ATAD1: variants seen among roughly 807,000 people sequenced by gnomAD.
ATAD1 encodes the protein outer mitochondrial transmembrane helix translocase.
ATAD1 carries 18 observed loss-of-function variants against 42.7 expected under a neutral mutation model. That is an observed-to-expected ratio of 0.42 (90% CI 0.29 to 0.63). The LOEUF (loss-of-function observed/expected upper bound fraction) is 0.63. ATAD1 is among the 20% of genes least tolerant of loss of function. The pLI is 0.19. For missense variants in ATAD1, 294 were observed against 440.4 expected, an observed-to-expected ratio of 0.67 and a Z score of 2.98; for synonymous variants, 132 against 143.1, an observed-to-expected ratio of 0.92 and a Z score of 0.55.
At chr10:87,777,740 G>A (rs1012843020) in intron 5 of ATAD1, among the ~76,000 whole-genome samples, 1 of 151,912 alleles carries the variant, frequency 6.6e-6, no homozygotes, top group South Asian at 2.1e-4. Flanking sequence ...AAACTTTGTC[G>A]ATCATACATG....
chr10:87,781,061 T>C (rs776190092), intron 5 of ATAD1, among the ~76,000 whole-genome samples: 3 of 152,176 alleles, frequency 2.0e-5, no homozygotes, highest in Admixed American at 6.6e-5. Context: ...ATCAGACCCC[T>C]GAAGTTCTAA....
intron 2 of ATAD1, among the ~76,000 whole-genome samples, chr10:87,796,685 G>A (rs1856404533): frequency 1.3e-5 from 2 of 152,194 alleles, no homozygotes; most frequent in Admixed American, 6.5e-5. Context: ...TCTCAGATAT[G>A]TGGGGTTCAC....
At chr10:87,776,839 A>AG (rs1168716990) in intron 5 of ATAD1, among the ~76,000 whole-genome samples, 4 of 152,168 alleles carry the variant, frequency 2.6e-5, no homozygotes, top group African/African-American at 9.6e-5. Context: ...GTTTTAGATG[A>AG]TGGGTATTCT....
intron 2 of ATAD1, among the ~76,000 whole-genome samples, chr10:87,794,817 A>G (rs942104676): frequency 6.6e-6 from 1 of 152,096 alleles, no homozygotes; most frequent in African/African-American, 2.4e-5. Flanking sequence ...CTTCCTAAAT[A>G]AAAAATGACA....
chr10:87,838,766 T>C (rs1385505682), intron 1 of ATAD1, among the ~76,000 whole-genome samples: 1 of 152,026 alleles, frequency 6.6e-6, no homozygotes, highest in African/African-American at 2.4e-5. Flanking sequence ...CTCTCCTTTT[T>C]GTGAGGACAT....
chr10:87,799,696 G>A (rs1856588333), intron 2 of ATAD1, among the ~76,000 whole-genome samples: 1 of 151,798 alleles, frequency 6.6e-6, no homozygotes, highest in Non-Finnish European at 1.5e-5. Flanking sequence ...AATGCAATGG[G>A]ATAATTGTAG....
At chr10:87,834,019 T>C (rs1459364403) in intron 1 of ATAD1, among the ~76,000 whole-genome samples, 1 of 152,192 alleles carries the variant, frequency 6.6e-6, no homozygotes, top group Non-Finnish European at 1.5e-5. Flanking sequence ...CCCAGCCTGT[T>C]AAATGCTTTT....
At chr10:87,797,371 C>T (rs1053345655) in intron 2 of ATAD1, among the ~76,000 whole-genome samples, 4 of 152,134 alleles carry the variant, frequency 2.6e-5, no homozygotes, top group Admixed American at 2.0e-4. Context: ...TCTGTGTTTG[C>T]TTACTGTCTT....
At chr10:87,828,588 A>G (rs1187959210) in intron 1 of ATAD1, among the ~76,000 whole-genome samples, 1 of 152,260 alleles carries the variant, frequency 6.6e-6, no homozygotes, top group African/African-American at 2.4e-5. Flanking sequence ...TAATTTACCC[A>G]GAAGATCTAG....
In ATAD1 at chr10:87,792,892, G is replaced by A. The variant is rs1359442341; in HGVS notation, c.163-137C>T. On this transcript the variant is annotated intron_variant, in intron 2 of 9. Coordinates refer to ENST00000680024, the MANE Select transcript of ATAD1 (RefSeq NM_001321967.2). ...TTTCCAAGGATATTCTAGGCCCCTT[G>A]ATCTTAGCCTTCTCCATTGTGAGCC... 3 of 654,620 alleles carry A rather than the reference G, an allele frequency of 4.6e-6. No individual in the cohort carries two copies. In the Admixed American group the frequency reaches 8.1e-5, roughly 18 times the overall value. The allele number at this position is 654,620 out of a possible 1,614,324, so 40.6% of individuals were successfully genotyped here.
intron 5 of ATAD1, among the ~76,000 whole-genome samples, chr10:87,780,330 G>C (rs753966337): frequency 1.1e-4 from 16 of 152,104 alleles, no homozygotes; most frequent in Non-Finnish European, 1.3e-4. Context: ...ACAAATATTT[G>C]ATACTATTGT....
At chr10:87,792,559 T>C (rs1856175804) in intron 3 of ATAD1, 98 bp downstream of exon 3, 1 of 823,624 alleles carries the variant, frequency 1.2e-6, no homozygotes, top group Non-Finnish European at 2.0e-6. Flanking sequence ...GCCTAGAGAA[T>C]CAAAGAACCC....
upstream of ATAD1, among the ~76,000 whole-genome samples, chr10:87,821,479 C>T (rs1414899571): frequency 1.3e-5 from 2 of 152,016 alleles, no homozygotes; most frequent in African/African-American, 2.4e-5. Context: ...TTGCAGTGAG[C>T]CAAGATCATG....
In ATAD1 at chr10:87,784,526, G is replaced by C; in HGVS notation, c.527C>G (p.Ala176Gly). The C allele has an allele frequency of 6.2e-7, 1 of 1,613,780 alleles. No homozygotes were observed. The highest frequency in any genetic ancestry group is 8.5e-7 in the Non-Finnish European group (1 of 1,179,850). ...TAGCTTTATGGCAAGGGAGAAGACA[G>C]CAGCAGCCAATTTCTGAGATTCTCC... ...WYGESQKLAA[A>G]VFSLAIKLQP... Residue 176 changes from alanine to glycine, a missense_variant, in exon 5 of 10, where the codon GCT becomes GGT. By Grantham distance (60) the Ala-to-Gly change is moderately conservative (BLOSUM62 0). Transcript: ENST00000680024.
At chr10:87,782,791 G>A (rs1855630278) in intron 5 of ATAD1, among the ~76,000 whole-genome samples, 1 of 152,068 alleles carries the variant, frequency 6.6e-6, no homozygotes, top group Admixed American at 6.6e-5. Context: ...GACCCCAGGA[G>A]TTGGGGACCA....
intron 7 of ATAD1, among the ~76,000 whole-genome samples, chr10:87,769,306 C>A (rs74700950): frequency 6.6e-6 from 1 of 152,252 alleles, no homozygotes; most frequent in African/African-American, 2.4e-5. Context: ...CTTGGTGCTG[C>A]GCTCACCAAA....
chr10:87,806,982 T>A (rs1371682007), intron 2 of ATAD1, among the ~76,000 whole-genome samples: 1 of 152,168 alleles, frequency 6.6e-6, no homozygotes, highest in Non-Finnish European at 1.5e-5. Flanking sequence ...TTTTGTCTGA[T>A]CGCTTCTTTA....
chr10:87,791,610 G>T (rs1435638913), intron 3 of ATAD1, among the ~76,000 whole-genome samples: 1 of 152,170 alleles, frequency 6.6e-6, no homozygotes, highest in Admixed American at 6.5e-5. Context: ...GTGTGTGTAT[G>T]TCTCTGTATA....
chr10:87,815,358 G>T (rs1196059131), intron 1 of ATAD1, among the ~76,000 whole-genome samples: 1 of 151,992 alleles, frequency 6.6e-6, no homozygotes, highest in African/African-American at 2.4e-5. Context: ...GCTTACAGAA[G>T]ACATACACTC....
Sources: allele counts gnomAD v4.1 joint callset (sites outside exome capture counted in the v4.1 genomes callset), GRCh38; gene constraint gnomAD v4.1.1; transcripts MANE v1.5; gene names NCBI Gene and HGNC (gene_info 2026-07-23, HGNC 2026-07-21).